The following LSR variants were observed in gnomAD, a reference collection of about 807,000 sequenced individuals.
LSR encodes lipolysis stimulated lipoprotein receptor, also known as lipolysis-stimulated lipoprotein receptor.
A neutral mutation model predicts 61.8 loss-of-function variants in LSR; 44 were observed. The observed-to-expected ratio is 0.71, with a 90% CI of 0.56 to 0.91. The LOEUF is 0.91. LSR is among the 40% of genes least tolerant of loss of function. LSR has a pLI of 0.00. For missense variants in LSR, 911 were observed against 830.5 expected, an observed-to-expected ratio of 1.10 and a Z score of -1.19; for synonymous variants, 397 against 350.6, an observed-to-expected ratio of 1.13 and a Z score of -1.48.
chr19:35,262,524 A>AG, intron 4 of LSR, 22 bp from the exon 5 acceptor site: 1 of 1,614,096 alleles, frequency 6.2e-7, no homozygotes, highest in East Asian at 2.2e-5. Context: ...CTCCGGGCTC[A>AG]GGGCCTGTTG....
chr19:35,266,275 C>A (rs2065996503), intron 5 of LSR, 84 bp from the exon 6 acceptor site: 1 of 1,171,628 alleles, frequency 8.5e-7, no homozygotes, highest in Non-Finnish European at 1.2e-6. Flanking sequence ...GAGGTCCAGG[C>A]CCAGGTCCCT....
rs764308558 is a variant in LSR at position 35,266,541 on chromosome 19, G to T, written c.952+9G>T. ...TGACAGGAGTAGCTCAGGTGAGGCC[G>T]GGGGAAGCAGGAACAGCTGGTGGGA... On this transcript the variant is annotated intron_variant, in intron 6 of 9. Coordinates refer to ENST00000605618, the MANE Select transcript of LSR (RefSeq NM_205834.4). The T allele has an allele frequency of 1.9e-6, 3 of 1,596,782 alleles. No homozygotes were observed. The Admixed American group carries it at 5.1e-5, about 27-fold the overall frequency.
intron 2 of LSR, among the ~76,000 whole-genome samples, chr19:35,254,533 C>T (rs1271149718): frequency 1.3e-5 from 2 of 152,214 alleles, no homozygotes; most frequent in Non-Finnish European, 2.9e-5. Flanking sequence ...GGACAGGAGG[C>T]CCTGTTCCAC....
At position 35,267,154 on chromosome 19, in the gene LSR, G is replaced by T; in HGVS notation, c.1190G>T (p.Arg397Leu). 6.5e-7 allele frequency: 1 copy of T among 1,529,040 alleles called. No individual in the cohort carries two copies. Among genetic ancestry groups the T allele is most frequent in the South Asian group, 1.3e-5 (1 of 76,196 alleles). The allele number at this position is 1,529,040 out of a possible 1,614,324, so 94.7% of individuals were successfully genotyped here. ...TSLHEDDWRS[R>L]PSRGPALTPI... ...CTCCACGAGGACGACTGGCGATCTC[G>T]GCCTTCCCGGGGCCCTGCCCTCACC... Residue 397 changes from arginine to leucine, a missense_variant, in exon 9 of 10, where the codon CGG (arginine) becomes CTG (leucine). By Grantham distance (102) the Arg-to-Leu change is moderately radical (BLOSUM62 -2). Transcript: ENST00000605618.
At chr19:35,254,722 G>A (rs868388279) in intron 2 of LSR, among the ~76,000 whole-genome samples, 3 of 152,134 alleles carry the variant, frequency 2.0e-5, no homozygotes, top group Non-Finnish European at 4.4e-5. Context: ...TCTTCTCCCC[G>A]ACCTAAAACA....
In LSR at chr19:35,261,969, G is replaced by A; in HGVS notation, c.619G>A (p.Gly207Arg). The stretch of plus-strand genomic sequence containing the variant: ...TGAGCTCTTACCTGGTTTTCAGGCG[G>A]GGCCCATAGAAGGTACGGGGGGTGG... ...VAELLPGFQA[G>R]PIEDWLFVVV... Residue 207 changes from glycine to arginine, a missense_variant, in exon 4 of 10, where the codon GGG becomes AGG. By Grantham distance (125) the Gly-to-Arg change is moderately radical. Transcript: ENST00000605618. 1 of 1,506,064 alleles carries A rather than the reference G, an allele frequency of 6.6e-7. No homozygotes were observed. Among genetic ancestry groups the A allele is most frequent in the Non-Finnish European group, 8.8e-7 (1 of 1,137,726 alleles). 93.3% of individuals were successfully genotyped at this position (1,506,064 alleles called of 1,614,324 possible). A position where few individuals can be genotyped will look rare whatever the true frequency, so the allele number is the denominator to read the frequency against.
At position 35,262,540 on chromosome 19, in the gene LSR, C is replaced by A. The variant is rs756049512; in HGVS notation, c.632-6C>A. ...TCCGGGCTCAGGGCCTGTTGTCTTTCTGCAGACTGGCTCTTCGTGGTTGTG... is the reference window on the plus strand; with the variant it reads ...TCCGGGCTCAGGGCCTGTTGTCTTTATGCAGACTGGCTCTTCGTGGTTGTG... On this transcript the variant is annotated splice_polypyrimidine_tract_variant and splice_region_variant and intron_variant, in intron 4 of 9. Coordinates refer to ENST00000605618, the MANE Select transcript of LSR (RefSeq NM_205834.4). 1 of 1,614,206 alleles carries A rather than the reference C, an allele frequency of 6.2e-7. No individual in the cohort carries two copies. Among genetic ancestry groups the A allele is most frequent in the South Asian group, 1.1e-5 (1 of 91,088 alleles).
Position 35,266,846 on chromosome 19 carries a change from T to G in LSR, c.1023T>G (p.Ser341Arg), listed in dbSNP as rs761168343. Reference sequence around the variant, plus strand: ...CCCCCCTGTCCCTAGAAGTCCGCAGTGGCTACAGGATTCAGGCCAGCCAGC... The same window carrying G: ...CCCCCCTGTCCCTAGAAGTCCGCAGGGGCTACAGGATTCAGGCCAGCCAGC... ...TDSSVASEVR[S>R]GYRIQASQQD... Residue 341 changes from serine (S) to arginine (R), a missense_variant, in exon 8 of 10, where the codon AGT (serine) becomes AGG (arginine). Coordinates refer to ENST00000605618, the MANE Select transcript of LSR (RefSeq NM_205834.4). 1 of 1,608,924 alleles carries G rather than the reference T, an allele frequency of 6.2e-7. No homozygotes were observed. The highest frequency in any genetic ancestry group is 2.2e-5 in the East Asian group (1 of 44,670).
chr19:35,267,600 G>C lies in LSR; in HGVS notation c.1636G>C (p.Ala546Pro). The C allele has an allele frequency of 6.2e-7, 1 of 1,612,310 alleles. No homozygotes were observed. The highest frequency in any genetic ancestry group is 1.1e-5 in the South Asian group (1 of 91,030). Residue 546 changes from alanine to proline, a missense_variant, in exon 9 of 10, where the codon GCT becomes CCT. Ala to Pro is a conservative substitution (Grantham distance 27). Transcript: ENST00000605618. ...CTATGATGGGCGGCTACTGGAGGAG[G>C]CTGTGAGGAAGAAGGGGTCGGAGGA... ...LPYDGRLLEE[A>P]VRKKGSEERR...
At chr19:35,262,326 G>C (rs1377558390) in intron 4 of LSR, among the ~76,000 whole-genome samples, 3 of 152,114 alleles carry the variant, frequency 2.0e-5, no homozygotes, top group Non-Finnish European at 4.4e-5. Flanking sequence ...TTTTGCACCT[G>C]GGGGAGGGCC....
chr19:35,261,619 T>G (rs960573697), intron 3 of LSR, among the ~76,000 whole-genome samples: 1 of 152,168 alleles, frequency 6.6e-6, no homozygotes, highest in Non-Finnish European at 1.5e-5. Flanking sequence ...TTTGGGGTGC[T>G]AAGACCTATG....
rs1467038494 is a variant in LSR, at chr19:35,249,170, A to G, written c.109+39A>G. ...GGCCTCTGACGCTGCGGAACGCCGG[A>G]GGGAACTGTAGAGGGGGATGGATGG... On this transcript the variant is annotated intron_variant, in intron 1 of 9. Coordinates refer to ENST00000605618, the MANE Select transcript of LSR (RefSeq NM_205834.4). The G allele has an allele frequency of 3.3e-5, 50 of 1,515,922 alleles. No homozygotes were observed. In the East Asian group the frequency reaches 1.2e-3, roughly 37 times the overall value. 93.9% of individuals were successfully genotyped at this position (1,515,922 alleles called of 1,614,324 possible).
rs377424118 is a variant in LSR at position 35,261,607 on chromosome 19, C to T, written c.575-318C>T. ...ACATCCCTATCACCGTGGTTGGAGC[C>T]CTTTGGGGTGCTAAGACCTATGAAT... On this transcript the variant is annotated intron_variant, in intron 3 of 9. Transcript: ENST00000605618. Among the ~76,000 whole-genome samples, 5 of 152,310 alleles carry T rather than the reference C, an allele frequency of 3.3e-5. No individual in the cohort carries two copies. In the East Asian group the frequency reaches 7.7e-4, roughly 24 times the overall value.
chr19:35,266,957 T>A lies in LSR; in HGVS notation c.1134T>A (p.Arg378=). ...CTCGACCTGGCCCCCCCAGTGGCCGTGTGGAGCGGGGTAAGCAGGAGCCTT... is the reference window on the plus strand; with the variant it reads ...CTCGACCTGGCCCCCCCAGTGGCCGAGTGGAGCGGGGTAAGCAGGAGCCTT... ...DPSRPGPPSG[R]VERAMSEVTS... Residue 378 remains arginine, a synonymous_variant, in exon 8 of 10, where the codon CGT becomes CGA. Transcript: ENST00000605618. 6.2e-7 allele frequency: 1 copy of A among 1,612,564 alleles called. No individual in the cohort carries two copies. Among genetic ancestry groups the A allele is most frequent in the Non-Finnish European group, 8.5e-7 (1 of 1,179,230 alleles).
chr19:35,257,956 A>T (rs564811782), intron 2 of LSR, among the ~76,000 whole-genome samples: 9 of 152,150 alleles, frequency 5.9e-5, no homozygotes, highest in African/African-American at 1.2e-4. Flanking sequence ...AGGCACTGGG[A>T]GGGTAAGTCT....
At chr19:35,261,216 A>G (rs753819494) in intron 3 of LSR, among the ~76,000 whole-genome samples, 2 of 152,196 alleles carry the variant, frequency 1.3e-5, no homozygotes, top group Admixed American at 6.5e-5. Flanking sequence ...ATGAGTAGAG[A>G]TGGAGACCTT....
Position 35,249,010 on chromosome 19 carries a change from C to A in LSR, c.-13C>A. The A allele has an allele frequency of 6.2e-7, 1 of 1,609,138 alleles. No homozygotes were observed. Among genetic ancestry groups the A allele is most frequent in the Non-Finnish European group, 8.5e-7 (1 of 1,178,118 alleles). On this transcript the variant is annotated 5_prime_UTR_variant, in exon 1 of 10. Coordinates refer to ENST00000605618, the MANE Select transcript of LSR (RefSeq NM_205834.4). The stretch of plus-strand genomic sequence containing the variant: ...GAAGGGACGCGCGGGCCAGACGCGC[C>A]CAGACGGCCGCGATGGCGCTGTTGG...
At chr19:35,261,388 A>G (rs1332565489) in intron 3 of LSR, among the ~76,000 whole-genome samples, 1 of 152,192 alleles carries the variant, frequency 6.6e-6, no homozygotes, top group Non-Finnish European at 1.5e-5. Flanking sequence ...GTAAAATTAA[A>G]CCATTTCAGC....
chr19:35,253,014 C>T (rs2065813716), intron 2 of LSR, among the ~76,000 whole-genome samples: 1 of 148,368 alleles, frequency 6.7e-6, no homozygotes, highest in Non-Finnish European at 1.5e-5. Context: ...GAGTGAGACC[C>T]TGTCTTGAAA....
Sources: gnomAD v4.1 joint callset for allele counts (sites outside exome capture counted in the v4.1 genomes callset) on GRCh38, gnomAD v4.1.1 for gene constraint, MANE v1.5 for transcripts, NCBI Gene and HGNC (gene_info 2026-07-23, HGNC 2026-07-21) for gene names.